ANKRD30A: variants seen among roughly 807,000 people sequenced by gnomAD.
The protein encoded by ANKRD30A is ankyrin repeat domain-containing protein 30A.
ANKRD30A carries 170 observed loss-of-function variants against 166.3 expected under a neutral mutation model. The ratio of observed to expected loss-of-function variants is 1.02; its 90% confidence interval spans 0.90 to 1.16. The LOEUF (loss-of-function observed/expected upper bound fraction) is 1.16. Among genes scored for constraint, ANKRD30A ranks in the 50% most tolerant of loss-of-function variants. The pLI is 0.00. For synonymous variants in ANKRD30A, 564 were observed against 508.9 expected (o/e 1.11, Z -1.46); for missense variants, 1,630 against 1,518.0 (o/e 1.07, Z -1.23).
the ANKRD30A span, among the ~76,000 whole-genome samples, chr10:37,243,050 A>C: frequency 6.6e-6 from 1 of 152,000 alleles, no homozygotes; most frequent in Non-Finnish European, 1.5e-5. Context: ...AAAATAGACT[A>C]GTAATTGTAT....
chr10:37,265,197 T>A, the ANKRD30A span, among the ~76,000 whole-genome samples: 1 of 152,160 alleles, frequency 6.6e-6, no homozygotes, highest in Non-Finnish European at 1.5e-5. Flanking sequence ...ATATTACCTT[T>A]TTCTAGTGCA....
At chr10:37,152,490 T>C (rs1351289950) in intron 12 of ANKRD30A, among the ~76,000 whole-genome samples, 4 of 152,086 alleles carry the variant, frequency 2.6e-5, no homozygotes, top group Non-Finnish European at 5.9e-5. Context: ...AAAGTTCTAA[T>C]TGGATGCATA....
At chr10:37,130,135 A>G in intron 2 of ANKRD30A, 70 bp from the exon 3 acceptor site, 1 of 1,157,778 alleles carries the variant, frequency 8.6e-7, no homozygotes, top group East Asian at 3.2e-5. Context: ...ATTTCCTATA[A>G]TTTATAATTT....
At chr10:37,193,627 C>T (rs1480741970) in intron 27 of ANKRD30A, among the ~76,000 whole-genome samples, 1 of 151,978 alleles carries the variant, frequency 6.6e-6, no homozygotes, top group East Asian at 1.9e-4. Flanking sequence ...GAAAGTTCCA[C>T]TTGCTGACAT....
At position 37,178,109 on chromosome 10, in the gene ANKRD30A, T is replaced by G. The variant is rs1839876854; in HGVS notation, c.2421+1891T>G. 1.3e-5 allele frequency among the ~76,000 whole-genome samples: 2 copies of G among 151,320 alleles called. 1 individual carries two copies. Among genetic ancestry groups the G allele is most frequent in the African/African-American group, 4.8e-5 (2 of 41,342 alleles). On this transcript the variant is annotated intron_variant, in intron 24 of 35. Coordinates refer to ENST00000361713, the MANE Select transcript of ANKRD30A (RefSeq NM_052997.3). ...AACAGGTTTATGTAATGGAGGATGA[T>G]AAAATGAAATGATTGTTTAGGAAAA...
rs1247269599 is a variant in ANKRD30A at position 37,142,024 on chromosome 10, C to G, written c.1127C>G (p.Ala376Gly). Residue 376 changes from alanine to glycine, a missense_variant, in exon 7 of 36, where the codon GCA becomes GGA. Ala to Gly is a moderately conservative substitution (Grantham distance 60). Around this residue, in one of 4 missense-constraint regions of ANKRD30A, gnomAD observed 904 missense variants for 818.5 expected, o/e 1.10. Transcript: ENST00000361713. Reference sequence around the variant, plus strand: ...ACATCTGAGAAATTTACGTGGCCAGCAAAAGGAAGACCTAGGAAGATCGCA... The same window carrying G: ...ACATCTGAGAAATTTACGTGGCCAGGAAAAGGAAGACCTAGGAAGATCGCA... ...KETSEKFTWP[A>G]KGRPRKIAWE... 3 of 1,613,818 alleles carry G rather than the reference C, an allele frequency of 1.9e-6. No individual in the cohort carries two copies. The highest frequency in any genetic ancestry group is 1.3e-5 in the African/African-American group (1 of 74,922).
chr10:37,196,052 G>T (rs1841061403), intron 27 of ANKRD30A, among the ~76,000 whole-genome samples: 1 of 150,792 alleles, frequency 6.6e-6, no homozygotes, highest in Admixed American at 6.6e-5. Context: ...AGTGTTGTAT[G>T]GGAAGAATTC....
chr10:37,133,358 C>T (rs774462144), intron 4 of ANKRD30A, among the ~76,000 whole-genome samples: 10 of 152,018 alleles, frequency 6.6e-5, no homozygotes, highest in East Asian at 1.9e-4. Context: ...ACCTTGCAAA[C>T]GTTACTTAAT....
chr10:37,147,012 A>G (rs1357176470), intron 8 of ANKRD30A, among the ~76,000 whole-genome samples: 1 of 152,258 alleles, frequency 6.6e-6, no homozygotes, highest in Non-Finnish European at 1.5e-5. Flanking sequence ...TATGGCAGGT[A>G]GCAAGTGTAT....
chr10:37,222,535 G>T (rs1243759967), intron 34 of ANKRD30A, among the ~76,000 whole-genome samples: 1 of 151,102 alleles, frequency 6.6e-6, no homozygotes, highest in Non-Finnish European at 1.5e-5. Context: ...TCTGCTTGTG[G>T]CCATTATGAA....
At chr10:37,236,278 C>T (rs1411086562), downstream of ANKRD30A, among the ~76,000 whole-genome samples, 5 of 152,206 alleles carry the variant, frequency 3.3e-5, no homozygotes, top group Middle Eastern at 3.4e-3. Flanking sequence ...TCAACATACC[C>T]GCTTTATTGC....
At position 37,219,456 on chromosome 10, in the gene ANKRD30A, G is replaced by C; in HGVS notation, c.3744G>C (p.Val1248=). The C allele has an allele frequency of 6.2e-7, 1 of 1,610,206 alleles. No individual in the cohort carries two copies. Among genetic ancestry groups the C allele is most frequent in the Non-Finnish European group, 8.5e-7 (1 of 1,177,620 alleles). Residue 1248 remains valine (V), a synonymous_variant, in exon 34 of 36, where the codon GTG becomes GTC. Coordinates refer to ENST00000361713, the MANE Select transcript of ANKRD30A (RefSeq NM_052997.3). ...DVSSTIYNNE[V]LHQPLSEAQR... The stretch of plus-strand genomic sequence containing the variant: ...GTAGTACGATATATAACAATGAGGT[G>C]CTCCATCAACCACTTTCTGAAGCTC...
chr10:37,137,111 G>C (rs1588757206), intron 6 of ANKRD30A, among the ~76,000 whole-genome samples: 1 of 151,770 alleles, frequency 6.6e-6, no homozygotes, highest in East Asian at 1.9e-4. Context: ...GGGATGATCA[G>C]GTTATCCAAT....
At chr10:37,201,101 C>T (rs747446379) in intron 30 of ANKRD30A, 134 bp from the exon 31 acceptor site, 50 of 544,574 alleles carry the variant, frequency 9.2e-5, no homozygotes, top group Admixed American at 3.1e-4. Context: ...TTTTTTTATA[C>T]GTGTCTGCTC....
At chr10:37,212,399 G>A (rs1235652646) in intron 31 of ANKRD30A, among the ~76,000 whole-genome samples, 1 of 152,010 alleles carries the variant, frequency 6.6e-6, no homozygotes, top group Non-Finnish European at 1.5e-5. Context: ...AACATTCCAC[G>A]CTTATGGGTA....
chr10:37,245,750 A>C, the ANKRD30A span, among the ~76,000 whole-genome samples: 1 of 152,120 alleles, frequency 6.6e-6, no homozygotes, highest in African/African-American at 2.4e-5. Flanking sequence ...TTTCATTTGG[A>C]ATCTTGACTG....
the ANKRD30A span, among the ~76,000 whole-genome samples, chr10:37,254,495 A>T: frequency 5.7e-3 from 863 of 152,152 alleles, 9 homozygotes; most frequent in African/African-American, 0.02. Flanking sequence ...TCATGCACTT[A>T]TTCGACACTT....
chr10:37,156,627 T>C (rs968396646), intron 13 of ANKRD30A, among the ~76,000 whole-genome samples: 5 of 152,194 alleles, frequency 3.3e-5, no homozygotes, highest in African/African-American at 4.8e-5. Flanking sequence ...AATATTTTGG[T>C]TACATATTCA....
intron 1 of ANKRD30A, among the ~76,000 whole-genome samples, chr10:37,129,137 T>C (rs1020424336): frequency 6.6e-6 from 1 of 152,212 alleles, no homozygotes; most frequent in Non-Finnish European, 1.5e-5. Flanking sequence ...CTAACATTTC[T>C]TTCAGTGTTA....
Sources: gnomAD v4.1 joint callset for allele counts (sites outside exome capture counted in the v4.1 genomes callset) on GRCh38, gnomAD v4.1.1 for gene constraint, gnomAD v4.1.1 regional missense constraint, MANE v1.5 for transcripts, NCBI Gene and HGNC (gene_info 2026-07-23, HGNC 2026-07-21) for gene names.